Variants in WSCD1 observed in about 807,000 individuals in gnomAD.
WSCD1 encodes sialate:O-sulfotransferase 1.
Under a neutral mutation model 60.4 loss-of-function variants are expected in WSCD1, and 41 were observed. The observed-to-expected ratio is 0.68, with a 90% CI of 0.53 to 0.88. The LOEUF (loss-of-function observed/expected upper bound fraction) is 0.88, where lower values mean the gene tolerates loss of function less well. Among genes scored for constraint, WSCD1 ranks in the 40% least tolerant of loss-of-function variants. The pLI is 0.00. For synonymous variants in WSCD1, 361 were observed against 332.5 expected (o/e 1.09, Z -0.93); for missense variants, 784 against 796.2 (o/e 0.98, Z 0.18).
At chr17:6,085,724 C>T (rs1909594205) in intron 2 of WSCD1, among the ~76,000 whole-genome samples, 1 of 152,208 alleles carries the variant, frequency 6.6e-6, no homozygotes, top group Non-Finnish European at 1.5e-5. Context: ...TGAGCTTATG[C>T]TTTGGCTGTT....
At chr17:6,090,954 A>G (rs1360813540) in intron 4 of WSCD1, among the ~76,000 whole-genome samples, 1 of 152,104 alleles carries the variant, frequency 6.6e-6, no homozygotes, top group Non-Finnish European at 1.5e-5. Context: ...GCAATGGCCC[A>G]ATCTCGGCTC....
In WSCD1 at chr17:6,109,690, C is replaced by T; in HGVS notation, c.933C>T (p.Asp311=). Residue 311 remains aspartate, a synonymous_variant, in exon 6 of 9, where the codon GAC becomes GAT. Transcript: ENST00000317744. The part of the protein sequence containing the change: ...TPRFNLRDAM[D]SSVCGQDPEA... The stretch of plus-strand genomic sequence containing the variant: ...GGTTCAACCTGCGGGATGCCATGGA[C>T]AGCTCAGTATGTGGCCAGGACCCTG... 2 of 1,614,194 alleles carry T rather than the reference C, an allele frequency of 1.2e-6. No homozygotes were observed. Among genetic ancestry groups the T allele is most frequent in the South Asian group, 1.1e-5 (1 of 91,084 alleles).
chr17:6,115,506 A>C (rs1203827883), intron 7 of WSCD1, among the ~76,000 whole-genome samples: 1 of 141,768 alleles, frequency 7.1e-6, no homozygotes, highest in Non-Finnish European at 1.6e-5. Context: ...CATTGGCATC[A>C]AATTTGGCAA....
Position 6,110,627 on chromosome 17 carries a change from A to C in WSCD1, c.1010-144A>C. On this transcript the variant is annotated intron_variant, in intron 6 of 8. Transcript: ENST00000317744. The surrounding 1 kb of genome is among the most constrained non-coding windows in gnomAD (Gnocchi z 4.8). ...ACCTGTGCAGCTAAGGTATATTTGG[A>C]AGATCTCTTCCCTTCTTTGGGCCTT... 1 of 1,127,370 alleles carries C rather than the reference A, an allele frequency of 8.9e-7. No individual in the cohort carries two copies. Among genetic ancestry groups the C allele is most frequent in the South Asian group, 1.6e-5 (1 of 63,766 alleles). The allele number at this position is 1,127,370 out of a possible 1,614,324, so 69.8% of individuals were successfully genotyped here. A position where few individuals can be genotyped will look rare whatever the true frequency, so the allele number is the denominator to read the frequency against.
At chr17:6,089,443 G>A (rs998800898) in intron 3 of WSCD1, among the ~76,000 whole-genome samples, 1 of 152,198 alleles carries the variant, frequency 6.6e-6, no homozygotes, top group Non-Finnish European at 1.5e-5. Context: ...GATTCATTGA[G>A]GGTTCTGTTT....
In WSCD1 at chr17:6,089,588, G is replaced by A. The variant is rs182816852; in HGVS notation, c.543-733G>A. 2.0e-5 allele frequency among the ~76,000 whole-genome samples: 3 copies of A among 152,314 alleles called. No individual in the cohort carries two copies. In the East Asian group the frequency reaches 5.8e-4, roughly 29 times the overall value. ...AGGCACTTCAGACCAGCTCACGGCCGCTCACCATGGGAAGCTGTTAAATGT... is the reference window on the plus strand; with the variant it reads ...AGGCACTTCAGACCAGCTCACGGCCACTCACCATGGGAAGCTGTTAAATGT... On this transcript the variant is annotated intron_variant, in intron 3 of 8. Coordinates refer to ENST00000317744, the MANE Select transcript of WSCD1 (RefSeq NM_015253.2).
intron 5 of WSCD1, among the ~76,000 whole-genome samples, chr17:6,109,279 C>T (rs936871438): frequency 6.6e-6 from 1 of 152,236 alleles, no homozygotes; most frequent in Non-Finnish European, 1.5e-5. Context: ...AAACATGATT[C>T]CAGCCTCTGC....
At chr17:6,116,261 G>A (rs552913296) in intron 7 of WSCD1, among the ~76,000 whole-genome samples, 2 of 152,238 alleles carry the variant, frequency 1.3e-5, no homozygotes, top group Admixed American at 6.5e-5. Flanking sequence ...TATGGTAAGC[G>A]GCCCAATGAC....
At chr17:6,116,092 A>T (rs565627996) in intron 7 of WSCD1, among the ~76,000 whole-genome samples, 10 of 152,266 alleles carry the variant, frequency 6.6e-5, no homozygotes, top group African/African-American at 1.9e-4. Context: ...TGTTACAGGC[A>T]TCTTCAGGTG....
chr17:6,096,113 A>G (rs960159569), intron 5 of WSCD1, among the ~76,000 whole-genome samples: 1 of 152,202 alleles, frequency 6.6e-6, no homozygotes, highest in African/African-American at 2.4e-5. Flanking sequence ...TACTGTTCCA[A>G]GCGCTTTATG....
At chr17:6,096,662 C>T (rs1444687656) in intron 5 of WSCD1, among the ~76,000 whole-genome samples, 2 of 152,252 alleles carry the variant, frequency 1.3e-5, no homozygotes, top group Admixed American at 6.5e-5. Flanking sequence ...GGCCTGGGGA[C>T]CTCCTCATCC....
chr17:6,113,731 A>G (rs1432940290), intron 7 of WSCD1, among the ~76,000 whole-genome samples: 1 of 152,248 alleles, frequency 6.6e-6, no homozygotes, highest in Non-Finnish European at 1.5e-5. Context: ...CAACAAGTAT[A>G]TGAAAACATG....
chr17:6,095,247 A>G, intron 5 of WSCD1, 24 bp downstream of exon 5: 1 of 1,608,666 alleles, frequency 6.2e-7, no homozygotes, highest in Non-Finnish European at 8.5e-7. Flanking sequence ...ATCATTTCAC[A>G]ACCCTTTCCT....
intron 4 of WSCD1, 46 bp from the exon 5 acceptor site, chr17:6,095,056 C>A: frequency 6.3e-7 from 1 of 1,580,196 alleles, no homozygotes; most frequent in Non-Finnish European, 8.6e-7. Context: ...CAGGCACCAA[C>A]AACTGGACAC....
In WSCD1 at chr17:6,110,732, T is replaced by C; in HGVS notation, c.1010-39T>C. On this transcript the variant is annotated intron_variant, in intron 6 of 8. Transcript: ENST00000317744. This position sits in a 1 kb window ranked among gnomAD's most constrained non-coding sequence, Gnocchi z 4.8. ...TTAGTGGTGAATTGGTGAGTCATAA[T>C]GGAAGTGAGTAACCCCGTGATGACT... 6.3e-7 allele frequency: 1 copy of C among 1,581,574 alleles called. No homozygotes were observed.
chr17:6,095,201 G>C lies in WSCD1; in HGVS notation c.827G>C (p.Cys276Ser), dbSNP rs1196384182. The change falls in exon 5 of 9, where the codon TGC becomes TCC. Residue 276 changes from cysteine (C) to serine (S), a missense_variant. Physicochemically the swap from Cys to Ser is moderately radical, Grantham distance 112. Coordinates refer to ENST00000317744, the MANE Select transcript of WSCD1 (RefSeq NM_015253.2). ...CAGGCCAATGTGACCGTGGGGACTT[G>C]CTCGGGCTTTTGTTCCCAGAAAGTA... ...LIQANVTVGT[C>S]SGFCSQKEFP... 6.2e-7 allele frequency: 1 copy of C among 1,613,522 alleles called. No homozygotes were observed.
Position 6,110,280 on chromosome 17 carries a change from G to C in WSCD1, c.1010-491G>C, listed in dbSNP as rs1597368867. Among the ~76,000 whole-genome samples the C allele has an allele frequency of 6.6e-6, 1 of 152,136 alleles. No homozygotes were observed. Among genetic ancestry groups the C allele is most frequent in the Non-Finnish European group, 1.5e-5 (1 of 68,010 alleles). Reference sequence around the variant, plus strand: ...GACCCAGCATGGCCCTGGATGTTTTGGGGCTTTCCCCTGGTGATTTCATGT... The same window carrying C: ...GACCCAGCATGGCCCTGGATGTTTTCGGGCTTTCCCCTGGTGATTTCATGT... On this transcript the variant is annotated intron_variant, in intron 6 of 8. Transcript: ENST00000317744. This position sits in a 1 kb window ranked among gnomAD's most constrained non-coding sequence, Gnocchi z 4.8.
At chr17:6,107,520 A>G (rs1911157944) in intron 5 of WSCD1, among the ~76,000 whole-genome samples, 1 of 152,054 alleles carries the variant, frequency 6.6e-6, no homozygotes, top group South Asian at 2.1e-4. Context: ...AAGAAAAAAA[A>G]AAGATCCTAC....
At position 6,107,853 on chromosome 17, in the gene WSCD1, T is replaced by G. The variant is rs1227352355; in HGVS notation, c.850-1754T>G. ...CTGGAAAAGCCAGCAGTGTTGAGAT[T>G]GAGGGTCAGGCCCCAGCTCTCGCTT... On this transcript the variant is annotated intron_variant, in intron 5 of 8. Coordinates refer to ENST00000317744, the MANE Select transcript of WSCD1 (RefSeq NM_015253.2). Among the ~76,000 whole-genome samples, 5 of 152,192 alleles carry G rather than the reference T, an allele frequency of 3.3e-5. No individual in the cohort carries two copies. The East Asian group carries it at 9.7e-4, about 29-fold the overall frequency.
Sources: allele counts gnomAD v4.1 joint callset (sites outside exome capture counted in the v4.1 genomes callset), GRCh38; gene constraint gnomAD v4.1.1; non-coding constraint Gnocchi (gnomAD v3.1); transcripts MANE v1.5; gene names NCBI Gene and HGNC (gene_info 2026-07-23, HGNC 2026-07-21).